The following TRAPPC2L variants were observed in gnomAD, a reference collection of about 807,000 sequenced individuals.
The protein encoded by TRAPPC2L is trafficking protein particle complex subunit 2L, also known as trafficking protein particle complex subunit 2-like protein.
TRAPPC2L carries 17 observed loss-of-function variants against 13.2 expected under a neutral mutation model. That is an observed-to-expected ratio of 1.29 (90% CI 0.88 to 1.93). TRAPPC2L has a LOEUF of 1.93. TRAPPC2L is among the 30% of genes most tolerant of loss of function. The probability of loss-of-function intolerance (pLI) is 0.00; values close to 1 mark genes in which losing one functional copy is unlikely to be tolerated. For synonymous variants in TRAPPC2L, 150 were observed against 98.1 expected (o/e 1.53, Z -3.12); for missense variants, 359 against 252.1 (o/e 1.42, Z -2.87).
At chr16:88,858,468 C>A in intron 1 of TRAPPC2L, 151 bp from the exon 2 acceptor site, 3 of 757,330 alleles carry the variant, frequency 4.0e-6, no homozygotes, top group East Asian at 5.3e-5. Context: ...AAGGCAGTGC[C>A]CACTGCGGCA....
chr16:88,858,887 G>A (rs1968180375), intron 2 of TRAPPC2L, 96 bp downstream of exon 2: 6 of 1,378,426 alleles, frequency 4.4e-6, no homozygotes, highest in South Asian at 1.5e-5. Context: ...AGAAAAAGAG[G>A]TGAGAGTTTT....
upstream of TRAPPC2L, chr16:88,856,761 G>C: frequency 6.5e-7 from 1 of 1,528,054 alleles, no homozygotes; most frequent in South Asian, 1.2e-5. Flanking sequence ...CACTCACGTC[G>C]TCCATGAGCA....
chr16:88,857,494 C>T (rs1040498605), intron 1 of TRAPPC2L: 2 of 379,122 alleles, frequency 5.3e-6, no homozygotes, highest in Admixed American at 4.7e-5. Flanking sequence ...TCAGCAGGTT[C>T]TGCCCGTTCT....
At chr16:88,856,274 C>T (rs1308168954), upstream of TRAPPC2L, 7 of 702,922 alleles carry the variant, frequency 1.0e-5, no homozygotes, top group African/African-American at 7.0e-5. Context: ...CGGGGGGACC[C>T]GGCGGCCCGA....
At chr16:88,859,136 T>C in intron 2 of TRAPPC2L, 1 of 433,254 alleles carries the variant, frequency 2.3e-6, no homozygotes, top group Non-Finnish European at 4.3e-6. Flanking sequence ...AATAGTTTCA[T>C]TTATTTCATT....
upstream of TRAPPC2L, chr16:88,856,266 G>T: frequency 1.4e-6 from 1 of 703,040 alleles, no homozygotes. Flanking sequence ...GAGCCCAGCG[G>T]GGGGACCCGG....
chr16:88,857,676 C>T (rs1968046910), intron 1 of TRAPPC2L, among the ~76,000 whole-genome samples: 2 of 152,240 alleles, frequency 1.3e-5, no homozygotes, highest in Non-Finnish European at 2.9e-5. Context: ...TCCTTTCCCC[C>T]CATAACCCTT....
exon 4 of TRAPPC2L, chr16:88,861,090 C>A: frequency 1.2e-6 from 1 of 830,938 alleles, no homozygotes; most frequent in Non-Finnish European, 1.9e-6. Flanking sequence ...CATGTTCTCT[C>A]AACTAAAGGT....
chr16:88,860,043 TG>T lies in TRAPPC2L; in HGVS notation c.446del (p.Cys149SerfsTer13). The T allele has an allele frequency of 7.5e-7, 1 of 1,331,306 alleles. No individual in the cohort carries two copies. The highest frequency in any genetic ancestry group is 2.3e-5 in the East Asian group (1 of 42,702). 82.5% of individuals were successfully genotyped at this position (1,331,306 alleles called of 1,614,324 possible). ...TGCCTTGCCATTTTGGTTGCCAAAA[TG>T]CAACCATTTGGAAAATAAGGGAGGA... On this transcript the variant is annotated frameshift_variant, in exon 4 of 4. Coordinates refer to ENST00000565504, the Ensembl canonical transcript of TRAPPC2L. LOFTEE classifies it low-confidence loss of function (END_TRUNC).
Position 88,861,727 on chromosome 16 carries a change from C to T in TRAPPC2L, c.*1403C>T, listed in dbSNP as rs149887085. The T allele has an allele frequency of 1.6e-3, 758 of 460,924 alleles. 3 individuals carry two copies. The highest frequency in any genetic ancestry group is 0.014 in the African/African-American group (682 of 50,202). 28.6% of individuals were successfully genotyped at this position (460,924 alleles called of 1,614,324 possible). On this transcript the variant is annotated 3_prime_UTR_variant, in exon 4 of 4. Transcript: ENST00000565504. Reference sequence around the variant, plus strand: ...GGGGTCCAGCGGTCAAGGCTCAGCCCGCTGAGGGGACCCCCCCGGAGTTGG... The same window carrying T: ...GGGGTCCAGCGGTCAAGGCTCAGCCTGCTGAGGGGACCCCCCCGGAGTTGG...
upstream of TRAPPC2L, chr16:88,857,029 G>A: frequency 2.1e-6 from 3 of 1,414,702 alleles, no homozygotes; most frequent in South Asian, 1.5e-5. Context: ...GCGGGGCCTG[G>A]ACTGCCTCGT....
chr16:88,860,240 G>A (rs1968294647), exon 4 of TRAPPC2L: 1 of 702,444 alleles, frequency 1.4e-6, no homozygotes, highest in Non-Finnish European at 2.6e-6. Context: ...TGTGCCCAGT[G>A]GGTACCTGGG....
exon 4 of TRAPPC2L, chr16:88,861,132 G>A (rs944533431): frequency 6.6e-5 from 42 of 639,260 alleles, no homozygotes; most frequent in African/African-American, 3.1e-4. Flanking sequence ...TTTTCCTTCC[G>A]TGTCAGCCAA....
At chr16:88,856,699 T>TCCGCCCCTCCCCTCC, upstream of TRAPPC2L, 1 of 431,530 alleles carries the variant, frequency 2.3e-6, no homozygotes, top group South Asian at 2.0e-5. Context: ...CCTCCCTCCA[T>TCCGCCCCTCCCCTCC]CCGCCCCTCC....
intron 1 of TRAPPC2L, among the ~76,000 whole-genome samples, chr16:88,857,852 G>A (rs989867766): frequency 1.1e-4 from 16 of 152,210 alleles, no homozygotes; most frequent in Non-Finnish European, 1.5e-4. Flanking sequence ...GACTGAGCTG[G>A]GTGGCTGCCC....
intron 1 of TRAPPC2L, chr16:88,857,579 A>G (rs1597619040): frequency 4.2e-6 from 1 of 239,868 alleles, no homozygotes. Context: ...AGTTAAAAAC[A>G]AATCGGATCC....
Position 88,860,147 on chromosome 16 carries a change from A to C in TRAPPC2L, c.549A>C (p.Gln183His), listed in dbSNP as rs116377277. 1.8e-3 allele frequency: 1,320 copies of C among 717,058 alleles called. 15 individuals are homozygous for C. In the African/African-American group the frequency reaches 0.021, roughly 11 times the overall value. 44.4% of individuals were successfully genotyped at this position (717,058 alleles called of 1,614,324 possible). ...CACAAAGCCCCGTTTCTCCACACCAACTCTTACACAGATCTCCAGCGCATA... is the reference window on the plus strand; with the variant it reads ...CACAAAGCCCCGTTTCTCCACACCACCTCTTACACAGATCTCCAGCGCATA... The change falls in exon 4 of 4, where the codon CAA becomes CAC. Residue 183 changes from glutamine to histidine, a missense_variant. Coordinates refer to ENST00000565504, the Ensembl canonical transcript of TRAPPC2L.
chr16:88,857,334 G>C (rs1968003004), intron 1 of TRAPPC2L, 151 bp downstream of exon 1: 1 of 694,792 alleles, frequency 1.4e-6, no homozygotes. Flanking sequence ...CTTCGCGGTG[G>C]ACGAGCCGCC....
At chr16:88,862,502 G>C (rs1411691328) in exon 4 of TRAPPC2L, 1 of 87,684 alleles carries the variant, frequency 1.1e-5, no homozygotes, top group Non-Finnish European at 2.2e-5. Context: ...TCCTGAGAGC[G>C]TGAGGAAAGG....
Sources: gnomAD v4.1 joint callset for allele counts (sites outside exome capture counted in the v4.1 genomes callset) on GRCh38, gnomAD v4.1.1 for gene constraint, MANE v1.5 for transcripts, NCBI Gene and HGNC (gene_info 2026-07-23, HGNC 2026-07-21) for gene names.